FOXN3: variants seen among roughly 807,000 people sequenced by gnomAD.
The protein encoded by FOXN3 is forkhead box N3, also known as forkhead box protein N3.
FOXN3 carries 7 observed loss-of-function variants against 38.4 expected under a neutral mutation model. That is an observed-to-expected ratio of 0.18 (90% CI 0.10 to 0.34). The LOEUF is 0.34. FOXN3 is among the 10% of genes least tolerant of loss of function. FOXN3 has a pLI of 1.00. For synonymous variants in FOXN3, 230 were observed against 242.2 expected (o/e 0.95, Z 0.47); for missense variants, 456 against 613.4 (o/e 0.74, Z 2.71).
chr14:89,431,189 A>G (rs1892148145), intron 1 of FOXN3, among the ~76,000 whole-genome samples: 1 of 151,272 alleles, frequency 6.6e-6, no homozygotes, highest in Non-Finnish European at 1.5e-5. Flanking sequence ...TGTTTAGCAC[A>G]TTTTTTTTTG....
chr14:89,354,534 G>A (rs1889120973), intron 2 of FOXN3, among the ~76,000 whole-genome samples: 2 of 140,754 alleles, frequency 1.4e-5, no homozygotes, highest in South Asian at 4.5e-4. Context: ...GCCGTGGAGT[G>A]CTTTTTATTA....
intron 2 of FOXN3, among the ~76,000 whole-genome samples, chr14:89,397,828 T>TA (rs35594698): frequency 7.9e-5 from 12 of 152,276 alleles, no homozygotes; most frequent in Middle Eastern, 3.4e-3. Flanking sequence ...TTATAGTTGT[T>TA]AAAAAGATGT....
chr14:89,340,817 A>C (rs1390510119), intron 3 of FOXN3, among the ~76,000 whole-genome samples: 1 of 152,122 alleles, frequency 6.6e-6, no homozygotes, highest in East Asian at 1.9e-4. Context: ...AGTGTCACTA[A>C]AACAAGGGAG....
intron 3 of FOXN3, among the ~76,000 whole-genome samples, chr14:89,315,341 G>T (rs752004410): frequency 6.6e-6 from 1 of 151,964 alleles, no homozygotes; most frequent in African/African-American, 2.4e-5. Context: ...CTTTAACGTC[G>T]GCATAACCCT....
In FOXN3 at chr14:89,352,552, C is replaced by G. The variant is rs1435155945; in HGVS notation, c.544-1744G>C. ...TTCCATCAAAGGCTCCCGGTGGAGC[C>G]CTGGGCCAGTGGGACCTGCCTTTCT... On this transcript the variant is annotated intron_variant, in intron 2 of 5. Coordinates refer to ENST00000557258, the MANE Select transcript of FOXN3 (RefSeq NM_005197.4). 2.0e-5 allele frequency among the ~76,000 whole-genome samples: 3 copies of G among 152,258 alleles called. No homozygotes were observed. In the South Asian group the frequency reaches 6.2e-4, roughly 32 times the overall value.
intron 2 of FOXN3, among the ~76,000 whole-genome samples, chr14:89,405,666 A>G (rs780674150): frequency 6.6e-6 from 1 of 152,138 alleles, no homozygotes; most frequent in Non-Finnish European, 1.5e-5. Flanking sequence ...AGATGCAAGA[A>G]CTTTACATGT....
chr14:89,559,198 C>T (rs1454764495), intron 1 of FOXN3, among the ~76,000 whole-genome samples: 1 of 150,188 alleles, frequency 6.7e-6, no homozygotes, highest in African/African-American at 2.5e-5. Context: ...GACCGCCCCC[C>T]GCCCAACCCC....
intron 1 of FOXN3, among the ~76,000 whole-genome samples, chr14:89,467,889 T>A (rs4904583): frequency 0.98 from 139,287 of 142,822 alleles, 68,040 homozygotes; most frequent in East Asian, 1. Flanking sequence ...GCCTCAATCC[T>A]TCCTCCCACC....
At chr14:89,482,766 T>C (rs79566237) in intron 1 of FOXN3, among the ~76,000 whole-genome samples, 113,438 of 149,092 alleles carry the variant, frequency 0.76, 43,103 homozygotes, top group Non-Finnish European at 0.81. Context: ...AGAAATTAGC[T>C]GGGCATGGTG....
At chr14:89,476,036 G>A (rs1300761008) in intron 1 of FOXN3, among the ~76,000 whole-genome samples, 1 of 152,170 alleles carries the variant, frequency 6.6e-6, no homozygotes, top group Non-Finnish European at 1.5e-5. Context: ...GGTATTTGGG[G>A]TGGGGGTGCC....
At chr14:89,168,673 G>C (rs1256621221) in intron 5 of FOXN3, among the ~76,000 whole-genome samples, 2 of 152,174 alleles carry the variant, frequency 1.3e-5, no homozygotes, top group Non-Finnish European at 2.9e-5. Context: ...CCAGTGAAAA[G>C]AAAGAATGGA....
rs1040994229 is a variant in FOXN3 at position 89,343,831 on chromosome 14, C to A, written c.680+6841G>T. Among the ~76,000 whole-genome samples, 41 of 152,004 alleles carry A rather than the reference C, an allele frequency of 2.7e-4. 2 individuals are homozygous for A. Among genetic ancestry groups the A allele is most frequent in the Non-Finnish European group, 7.4e-5 (5 of 67,996 alleles). ...AGGGTGGAGTGCAATGGTGCAATCT[C>A]GGCTCACTGCAACCTCCACCTCCCA... On this transcript the variant is annotated intron_variant, in intron 3 of 5. Coordinates refer to ENST00000557258, the MANE Select transcript of FOXN3 (RefSeq NM_005197.4).
intron 1 of FOXN3, among the ~76,000 whole-genome samples, chr14:89,450,909 T>C (rs1159678090): frequency 6.6e-6 from 1 of 152,232 alleles, no homozygotes; most frequent in Non-Finnish European, 1.5e-5. Flanking sequence ...ATCTAGGACA[T>C]GTGGCATGCC....
chr14:89,192,540 C>A (rs1019683614), intron 4 of FOXN3, among the ~76,000 whole-genome samples: 1 of 119,952 alleles, frequency 8.3e-6, no homozygotes, highest in Non-Finnish European at 1.6e-5. Flanking sequence ...TTGTATATAA[C>A]TTTATAACAT....
In FOXN3 at chr14:89,528,386, T is replaced by C. The variant is rs1233152910; in HGVS notation, c.-15+90642A>G. On this transcript the variant is annotated intron_variant, in intron 1 of 6. Transcript: ENST00000345097. ...TCAACATGGATGAATCTTTTTTTTT[T>C]TTTTTTTTTTTTTTTTTTTTTTTGA... Among the ~76,000 whole-genome samples the C allele has an allele frequency of 2.8e-4, 33 of 117,852 alleles. No homozygotes were observed. In the East Asian group the frequency reaches 5.6e-3, roughly 20 times the overall value. The allele number at this position is 117,852 out of a possible 152,430, so 77.3% of individuals were successfully genotyped here.
chr14:89,582,158 C>T (rs1895753266), intron 1 of FOXN3, among the ~76,000 whole-genome samples: 1 of 151,602 alleles, frequency 6.6e-6, no homozygotes, highest in East Asian at 1.9e-4. Flanking sequence ...CAACAGTCCC[C>T]CGTCTGTGGG....
intron 2 of FOXN3, among the ~76,000 whole-genome samples, chr14:89,360,747 T>TCCACCACCACCATCA (rs1382700548): frequency 1.5e-5 from 1 of 67,502 alleles, no homozygotes; most frequent in African/African-American, 7.9e-5. Context: ...CAGCACCACC[T>TCCACCACCACCATCA]CCACCACCAC....
chr14:89,375,594 C>T (rs955477271), intron 2 of FOXN3, among the ~76,000 whole-genome samples: 6 of 151,948 alleles, frequency 3.9e-5, no homozygotes, highest in African/African-American at 1.5e-4. Context: ...TAAATGTGTT[C>T]ACAACATTAA....
chr14:89,496,953 G>C (rs1893697148), intron 1 of FOXN3, among the ~76,000 whole-genome samples: 1 of 152,038 alleles, frequency 6.6e-6, no homozygotes, highest in Non-Finnish European at 1.5e-5. Context: ...GCATGTGTCA[G>C]AATCTTCTTT....
Sources: allele counts gnomAD v4.1 joint callset (sites outside exome capture counted in the v4.1 genomes callset), GRCh38; gene constraint gnomAD v4.1.1; transcripts MANE v1.5; gene names NCBI Gene and HGNC (gene_info 2026-07-23, HGNC 2026-07-21).